The following MYLK4 variants were observed in gnomAD, a reference collection of about 807,000 sequenced individuals.
The protein encoded by MYLK4 is caMLCK like.
In MYLK4, 46 loss-of-function variants were observed where a neutral mutation model predicts 48.1. The observed-to-expected ratio is 0.96, with a 90% CI of 0.75 to 1.22. The LOEUF is 1.22. Ranked by LOEUF, MYLK4 falls within the 50% of genes most tolerant of loss-of-function variation. The pLI, the probability that MYLK4 is intolerant of heterozygous loss-of-function variation, is 0.00. For synonymous variants in MYLK4, 170 were observed against 180.8 expected, an observed-to-expected ratio of 0.94 and a Z score of 0.48; for missense variants, 451 against 486.1, an observed-to-expected ratio of 0.93 and a Z score of 0.68.
intron 2 of MYLK4, among the ~76,000 whole-genome samples, chr6:2,703,665 CTTT>C (rs3055234): frequency 1.2e-4 from 11 of 95,152 alleles, no homozygotes; most frequent in East Asian, 4.1e-4. Context: ...TTTGTGAATT[CTTT>C]TTTTTTTTTT....
chr6:2,742,332 T>C (rs1763924156), intron 2 of MYLK4, among the ~76,000 whole-genome samples: 1 of 152,170 alleles, frequency 6.6e-6, no homozygotes, highest in Non-Finnish European at 1.5e-5. Context: ...TGAATAAGAA[T>C]AAATAAGGCA....
chr6:2,729,742 C>T (rs1763410736), intron 2 of MYLK4, among the ~76,000 whole-genome samples: 2 of 152,130 alleles, frequency 1.3e-5, no homozygotes, highest in South Asian at 2.1e-4. Flanking sequence ...TCAGCATTTA[C>T]CCACCAAGAC....
chr6:2,765,926 G>A, the MYLK4 span: 6 of 1,452,180 alleles, frequency 4.1e-6, no homozygotes, highest in Non-Finnish European at 5.4e-6. Flanking sequence ...GGGCGACGAC[G>A]GCGGCGAGAC....
chr6:2,766,063 C>G, the MYLK4 span: 1 of 1,293,130 alleles, frequency 7.7e-7, no homozygotes, highest in Non-Finnish European at 9.8e-7. Context: ...CGGCCGCCGC[C>G]GCGGCGGGGA....
At chr6:2,760,541 C>T in the MYLK4 span, among the ~76,000 whole-genome samples, 1 of 152,234 alleles carries the variant, frequency 6.6e-6, no homozygotes, top group African/African-American at 2.4e-5. Flanking sequence ...TAGGGAGCCA[C>T]TAGGAGTTGC....
intron 2 of MYLK4, among the ~76,000 whole-genome samples, chr6:2,733,100 T>C (rs749391747): frequency 2.0e-4 from 31 of 152,202 alleles, no homozygotes; most frequent in Admixed American, 1.2e-3. Flanking sequence ...TCAAATTATA[T>C]CCTTCTTCTT....
At chr6:2,691,874 C>T (rs565752919) in intron 3 of MYLK4, among the ~76,000 whole-genome samples, 1 of 152,270 alleles carries the variant, frequency 6.6e-6, no homozygotes, top group East Asian at 1.9e-4. Context: ...AGTTATAAAT[C>T]ATTGCTTCAA....
chr6:2,681,201 T>C (rs1471798421), intron 7 of MYLK4, among the ~76,000 whole-genome samples: 5 of 152,214 alleles, frequency 3.3e-5, no homozygotes, highest in Admixed American at 2.6e-4. Flanking sequence ...ATCCCGTTCC[T>C]CAGCCTTTAG....
chr6:2,749,317 C>T lies in MYLK4; in HGVS notation c.-23G>A. 6.2e-7 allele frequency: 1 copy of T among 1,605,620 alleles called. No individual in the cohort carries two copies. Among genetic ancestry groups the T allele is most frequent in the Non-Finnish European group, 8.5e-7 (1 of 1,175,468 alleles). On this transcript the variant is annotated 5_prime_UTR_variant, in exon 2 of 13. Coordinates refer to ENST00000274643, the MANE Select transcript of MYLK4 (RefSeq NM_001012418.5). ...CATCTTAGTAGTGAGTCCGATTAAG[C>T]TACTTTCTGGAGTGTGGTTTTCGTC... is the stretch of plus-strand genomic sequence containing the variant.
In MYLK4 at chr6:2,685,519, T is replaced by G; in HGVS notation, c.399A>C (p.Ala133=). The change falls in exon 5 of 13, where the codon GCA becomes GCC. Residue 133 remains alanine (A), a synonymous_variant. Coordinates refer to ENST00000274643, the MANE Select transcript of MYLK4 (RefSeq NM_001012418.5). The surrounding 1 kb of genome is among the most constrained non-coding windows in gnomAD (Gnocchi z 4.5). ...CEETATGLKL[A]AKIIKTRGMK... ...TGCCTCTGGTCTTGATGATTTTGGC[T>G]GCCAGCTTCAGACCTGTGGCCGTCT... 1.2e-6 allele frequency: 2 copies of G among 1,614,160 alleles called. No individual in the cohort carries two copies. Among genetic ancestry groups the G allele is most frequent in the Non-Finnish European group, 8.5e-7 (1 of 1,180,028 alleles).
At chr6:2,766,800 A>C in the MYLK4 span, among the ~76,000 whole-genome samples, 3 of 147,708 alleles carry the variant, frequency 2.0e-5, no homozygotes, top group Non-Finnish European at 4.4e-5. Flanking sequence ...ATTCGCAAGG[A>C]ATCAGCATGT....
At chr6:2,686,313 C>A (rs560050177) in intron 4 of MYLK4, among the ~76,000 whole-genome samples, 1 of 152,296 alleles carries the variant, frequency 6.6e-6, no homozygotes, top group East Asian at 1.9e-4. Context: ...CAAGAGAGCC[C>A]ACCTTCAGAT....
intron 2 of MYLK4, among the ~76,000 whole-genome samples, chr6:2,724,717 C>A (rs757086820): frequency 6.6e-6 from 1 of 152,158 alleles, no homozygotes; most frequent in Non-Finnish European, 1.5e-5. Context: ...CCAGCCCGGT[C>A]TGTCTCTGAA....
chr6:2,749,101 A>G, intron 2 of MYLK4, 35 bp downstream of exon 2: 1 of 1,585,928 alleles, frequency 6.3e-7, no homozygotes, highest in Non-Finnish European at 8.6e-7. Flanking sequence ...GATAGAATGA[A>G]TACTTTTTAG....
intron 9 of MYLK4, 39 bp from the exon 10 acceptor site, chr6:2,678,411 A>G: frequency 6.2e-7 from 1 of 1,607,022 alleles, no homozygotes; most frequent in East Asian, 2.2e-5. Context: ...TTTTTTAAAC[A>G]GCCTCAACCC....
intron 2 of MYLK4, among the ~76,000 whole-genome samples, chr6:2,694,911 A>G (rs1376044891): frequency 1.3e-5 from 2 of 152,170 alleles, no homozygotes; most frequent in Admixed American, 6.5e-5. Flanking sequence ...CTGGGGAAAA[A>G]AAAAGATAGA....
chr6:2,735,135 T>C (rs554780546), intron 2 of MYLK4, among the ~76,000 whole-genome samples: 1 of 152,368 alleles, frequency 6.6e-6, no homozygotes, highest in Admixed American at 6.5e-5. Context: ...TTAGCCATCA[T>C]TACAAACAAT....
intron 4 of MYLK4, 106 bp downstream of exon 4, chr6:2,688,745 G>T (rs1761659992): frequency 1.2e-6 from 1 of 866,540 alleles, no homozygotes; most frequent in South Asian, 1.6e-5. Flanking sequence ...TAAAATGTTT[G>T]TTTCTAATGT....
intron 3 of MYLK4, among the ~76,000 whole-genome samples, chr6:2,691,093 G>A (rs1024003492): frequency 3.3e-5 from 5 of 152,094 alleles, no homozygotes; most frequent in African/African-American, 1.2e-4. Context: ...GCCTCCTAAA[G>A]TGCTGGGATT....
Sources: allele counts gnomAD v4.1 joint callset (sites outside exome capture counted in the v4.1 genomes callset), GRCh38; gene constraint gnomAD v4.1.1; non-coding constraint Gnocchi (gnomAD v3.1); transcripts MANE v1.5; gene names NCBI Gene and HGNC (gene_info 2026-07-23, HGNC 2026-07-21).